The following KCNAB2 variants were observed in gnomAD, a reference collection of about 807,000 sequenced individuals.
KCNAB2 encodes the protein voltage-gated potassium channel subunit beta-2.
In KCNAB2, 29 loss-of-function variants were observed where a neutral mutation model predicts 63.6. The observed-to-expected ratio is 0.46, with a 90% CI of 0.34 to 0.62. The LOEUF is 0.62. Among genes scored for constraint, KCNAB2 ranks in the 20% least tolerant of loss-of-function variants. The probability of loss-of-function intolerance (pLI) is 0.01; values close to 1 mark genes in which losing one functional copy is unlikely to be tolerated. For synonymous variants in KCNAB2, 222 were observed against 224.2 expected, an observed-to-expected ratio of 0.99 and a Z score of 0.09; for missense variants, 359 against 563.9, an observed-to-expected ratio of 0.64 and a Z score of 3.68.
At chr1:6,097,242 C>T in intron 14 of KCNAB2, 27 bp from the exon 15 acceptor site, 1 of 1,520,580 alleles carries the variant, frequency 6.6e-7, no homozygotes, top group Non-Finnish European at 8.9e-7. Context: ...GGGTGTTTCT[C>T]CCTCACCTTG....
rs562485831 is a variant in KCNAB2 at position 6,065,823 on chromosome 1, G to A, written c.219-6932G>A. On this transcript the variant is annotated intron_variant, in intron 2 of 15. Coordinates refer to ENST00000378083, the MANE Select transcript of KCNAB2 (RefSeq NM_001199862.2). ...AATGCGCACCCCCCAACCTCCAGCCGCGCTTCCAGCAGGTCTTCTGTACCT... is the reference window on the plus strand; with the variant it reads ...AATGCGCACCCCCCAACCTCCAGCCACGCTTCCAGCAGGTCTTCTGTACCT... Among the ~76,000 whole-genome samples, 8 of 152,254 alleles carry A rather than the reference G, an allele frequency of 5.3e-5. No homozygotes were observed. In the East Asian group the frequency reaches 5.8e-4, roughly 11 times the overall value.
At position 5,994,676 on chromosome 1, in the gene KCNAB2, G is replaced by A. The variant is rs946385592; in HGVS notation, c.-53+1888G>A. On this transcript the variant is annotated intron_variant, in intron 1 of 16. Coordinates refer to the KCNAB2 transcript ENST00000341524. This position sits in a 1 kb window ranked among gnomAD's most constrained non-coding sequence, Gnocchi z 5.4. ...CTTGGTTGAGAACCGTCTTGGGTCT[G>A]GATTTGGAGCCTGGATGGGAAGCAG... Among the ~76,000 whole-genome samples, 23 of 152,178 alleles carry A rather than the reference G, an allele frequency of 1.5e-4. No individual in the cohort carries two copies. Among genetic ancestry groups the A allele is most frequent in the Non-Finnish European group, 1.9e-4 (13 of 68,026 alleles).
intron 1 of KCNAB2, among the ~76,000 whole-genome samples, chr1:6,002,346 G>A (rs1657304400): frequency 6.6e-6 from 1 of 152,266 alleles, no homozygotes; most frequent in Admixed American, 6.5e-5. Context: ...GCCCAAGGGA[G>A]GCCAGAGACA....
In KCNAB2 at chr1:6,074,305, A is replaced by G. The variant is rs114254151; in HGVS notation, c.300+535A>G. On this transcript the variant is annotated intron_variant, in intron 4 of 15. Coordinates refer to ENST00000378083, the MANE Select transcript of KCNAB2 (RefSeq NM_001199862.2). This position sits in a 1 kb window ranked among gnomAD's most constrained non-coding sequence, Gnocchi z 4.9. ...CAGTCAGATGTATTTGCTGGGGCTC[A>G]TGTCCCCACAATTGGAACAAGAAAG... Among the ~76,000 whole-genome samples the G allele has an allele frequency of 1.5e-3, 230 of 152,324 alleles. 1 individual carries two copies. Among genetic ancestry groups the G allele is most frequent in the African/African-American group, 5.3e-3 (220 of 41,588 alleles).
intron 1 of KCNAB2, among the ~76,000 whole-genome samples, chr1:6,037,523 G>A (rs1316835686): frequency 6.6e-6 from 1 of 152,180 alleles, no homozygotes; most frequent in Non-Finnish European, 1.5e-5. Flanking sequence ...GGGGAGCCTG[G>A]GGGCAGGAAC....
At chr1:6,017,848 C>T (rs989035845) in intron 1 of KCNAB2, among the ~76,000 whole-genome samples, 1 of 151,940 alleles carries the variant, frequency 6.6e-6, no homozygotes, top group Non-Finnish European at 1.5e-5. Flanking sequence ...AGCCACCACA[C>T]CCAGCCAGGC....
chr1:6,095,677 G>C (rs986793884), intron 13 of KCNAB2, 53 bp downstream of exon 13: 32 of 1,549,928 alleles, frequency 2.1e-5, no homozygotes, highest in Non-Finnish European at 2.8e-5. Context: ...CATTTTGGAC[G>C]GGTGGGACCT....
At chr1:5,996,891 T>C (rs1017620879) in intron 1 of KCNAB2, among the ~76,000 whole-genome samples, 2 of 152,186 alleles carry the variant, frequency 1.3e-5, no homozygotes, top group African/African-American at 4.8e-5. Flanking sequence ...TGGGCCAGTT[T>C]TCTGGAGCAA....
chr1:6,047,649 C>G (rs936142124), intron 1 of KCNAB2, among the ~76,000 whole-genome samples: 12 of 152,162 alleles, frequency 7.9e-5, no homozygotes, highest in African/African-American at 1.2e-4. Flanking sequence ...CCTTTTGGAG[C>G]CTGGGCCTTG....
chr1:6,000,985 G>A (rs147694528), intron 1 of KCNAB2, among the ~76,000 whole-genome samples: 2 of 152,296 alleles, frequency 1.3e-5, no homozygotes, highest in African/African-American at 2.4e-5. Context: ...ATCTCACATC[G>A]TCAGGAAAGG....
At chr1:6,055,878 G>A (rs748377208) in intron 2 of KCNAB2, among the ~76,000 whole-genome samples, 1 of 152,218 alleles carries the variant, frequency 6.6e-6, no homozygotes, top group Non-Finnish European at 1.5e-5. Flanking sequence ...CAGCGACTGG[G>A]CTGGGTCACC....
rs1017569079 is a variant in KCNAB2, at chr1:6,046,203, G to C, written c.-27+20G>C. ...AGGCAGGTGAGTCCTCCCTTCAGCC[G>C]CTACCTTCCTAGTGGAGATGCCGCT... On this transcript the variant is annotated intron_variant, in intron 1 of 15. Transcript: ENST00000378083. 6 of 985,168 alleles carry C rather than the reference G, an allele frequency of 6.1e-6. No homozygotes were observed. The African/African-American group carries it at 1.0e-4, about 17-fold the overall frequency. 61.0% of individuals were successfully genotyped at this position (985,168 alleles called of 1,614,324 possible). A position where few individuals can be genotyped will look rare whatever the true frequency, so the allele number is the denominator to read the frequency against.
chr1:5,993,532 G>A (rs771814214), intron 1 of KCNAB2, among the ~76,000 whole-genome samples: 2 of 152,146 alleles, frequency 1.3e-5, no homozygotes, highest in African/African-American at 2.4e-5. Context: ...CTGCTCCCAG[G>A]ATGCAAAGAC....
intron 1 of KCNAB2, chr1:6,040,483 C>G: frequency 8.7e-7 from 1 of 1,151,574 alleles, no homozygotes; most frequent in Non-Finnish European, 1.3e-6. Context: ...TAACCACCAC[C>G]CTCTTCCCCT....
Position 6,071,498 on chromosome 1 carries a change from G to T in KCNAB2, c.219-1257G>T, listed in dbSNP as rs1476313937. ...GGGCAGATCACGCCCTGCTTAACAG[G>T]CTGGGGTGTGGGATGCATGCCACCA... On this transcript the variant is annotated intron_variant, in intron 2 of 15. Transcript: ENST00000378083. The surrounding 1 kb of genome is among the most constrained non-coding windows in gnomAD (Gnocchi z 8.5). Among the ~76,000 whole-genome samples the T allele has an allele frequency of 5.3e-5, 8 of 152,204 alleles. No homozygotes were observed. Among genetic ancestry groups the T allele is most frequent in the Admixed American group, 5.2e-4 (8 of 15,290 alleles).
chr1:6,058,782 G>A (rs1557464662), intron 2 of KCNAB2, among the ~76,000 whole-genome samples: 1 of 152,252 alleles, frequency 6.6e-6, no homozygotes, highest in African/African-American at 2.4e-5. Context: ...CATTCCGGAA[G>A]AGCTGCCGGG....
chr1:6,081,358 G>A (rs1266055813), intron 4 of KCNAB2, among the ~76,000 whole-genome samples: 1 of 152,210 alleles, frequency 6.6e-6, no homozygotes, highest in Non-Finnish European at 1.5e-5. Flanking sequence ...TAACAATTCA[G>A]TCCTCATGTG....
intron 4 of KCNAB2, among the ~76,000 whole-genome samples, chr1:6,077,793 C>T (rs1663803378): frequency 6.6e-6 from 1 of 152,206 alleles, no homozygotes; most frequent in Non-Finnish European, 1.5e-5. Flanking sequence ...CTGCCTGCTT[C>T]CAGCCTCTTC....
intron 1 of KCNAB2, among the ~76,000 whole-genome samples, chr1:6,022,450 G>T (rs953729678): frequency 1.3e-5 from 2 of 151,918 alleles, no homozygotes; most frequent in East Asian, 3.9e-4. Flanking sequence ...TAATTCAGTG[G>T]CATTGAGTGT....
Sources: allele counts gnomAD v4.1 joint callset (sites outside exome capture counted in the v4.1 genomes callset), GRCh38; gene constraint gnomAD v4.1.1; non-coding constraint Gnocchi (gnomAD v3.1); transcripts MANE v1.5; gene names NCBI Gene and HGNC (gene_info 2026-07-23, HGNC 2026-07-21).